Variants in NRCAM observed in about 807,000 individuals in gnomAD.
NRCAM encodes the protein neuronal cell adhesion molecule.
A neutral mutation model predicts 156.5 loss-of-function variants in NRCAM; 83 were observed. The observed-to-expected ratio is 0.53, with a 90% CI of 0.44 to 0.64. The LOEUF (loss-of-function observed/expected upper bound fraction) is 0.64, where lower values mean the gene tolerates loss of function less well. Among genes scored for constraint, NRCAM ranks in the 30% least tolerant of loss-of-function variants. The probability of loss-of-function intolerance (pLI) is 0.00; values close to 1 mark genes in which losing one functional copy is unlikely to be tolerated. For missense variants in NRCAM, 1,417 were observed against 1,597.3 expected, an observed-to-expected ratio of 0.89 and a Z score of 1.92; for synonymous variants, 538 against 563.9, an observed-to-expected ratio of 0.95 and a Z score of 0.65.
intron 2 of NRCAM, among the ~76,000 whole-genome samples, chr7:108,334,149 T>C (rs2099155057): frequency 6.6e-6 from 1 of 152,172 alleles, no homozygotes; most frequent in African/African-American, 2.4e-5. Context: ...CCTTAAAAAA[T>C]AGAAGTAGAA....
At chr7:108,282,212 CA>C (rs979677605) in intron 3 of NRCAM, among the ~76,000 whole-genome samples, 1 of 152,180 alleles carries the variant, frequency 6.6e-6, no homozygotes, top group Non-Finnish European at 1.5e-5. Context: ...AGATTTCCAA[CA>C]GAGAATGTAA....
At chr7:108,359,486 C>T (rs1329188449) in intron 2 of NRCAM, among the ~76,000 whole-genome samples, 3 of 152,070 alleles carry the variant, frequency 2.0e-5, no homozygotes, top group Non-Finnish European at 2.9e-5. Flanking sequence ...GAAGACATTC[C>T]TAACTAAAGA....
intron 6 of NRCAM, 136 bp downstream of exon 6, chr7:108,234,447 G>A: frequency 1.6e-6 from 1 of 626,144 alleles, no homozygotes; most frequent in Non-Finnish European, 2.8e-6. Context: ...GAGTCACAGT[G>A]AGAAATATCC....
At chr7:108,375,277 G>T (rs2099669750) in intron 2 of NRCAM, among the ~76,000 whole-genome samples, 1 of 151,988 alleles carries the variant, frequency 6.6e-6, no homozygotes, top group South Asian at 2.1e-4. Context: ...AATACTGAAT[G>T]AATCAATGAA....
intron 10 of NRCAM, among the ~76,000 whole-genome samples, chr7:108,225,294 C>T (rs1418536815): frequency 6.6e-6 from 1 of 152,154 alleles, no homozygotes; most frequent in Non-Finnish European, 1.5e-5. Flanking sequence ...CAAGTTAATG[C>T]ACCCTGCCAA....
At chr7:108,440,125 C>T (rs1563818758) in intron 1 of NRCAM, among the ~76,000 whole-genome samples, 1 of 152,006 alleles carries the variant, frequency 6.6e-6, no homozygotes, top group Non-Finnish European at 1.5e-5. Flanking sequence ...TATGTCTATC[C>T]ACTGGTGAAT....
chr7:108,161,537 C>T (rs573060730), intron 30 of NRCAM, among the ~76,000 whole-genome samples: 1 of 152,222 alleles, frequency 6.6e-6, no homozygotes, highest in African/African-American at 2.4e-5. Context: ...CAAGATAAAA[C>T]ATTTTCTTCT....
intron 2 of NRCAM, among the ~76,000 whole-genome samples, chr7:108,369,976 A>G (rs894313439): frequency 6.6e-6 from 1 of 152,152 alleles, no homozygotes; most frequent in Non-Finnish European, 1.5e-5. Flanking sequence ...TTATTTAAAA[A>G]TTATTTTTTA....
chr7:108,432,349 T>C (rs949346128), intron 1 of NRCAM, among the ~76,000 whole-genome samples: 10 of 152,232 alleles, frequency 6.6e-5, no homozygotes, highest in Non-Finnish European at 1.5e-5. Context: ...CCAAATCATA[T>C]GTTCTTCTTG....
intron 2 of NRCAM, among the ~76,000 whole-genome samples, chr7:108,362,804 G>A (rs2099568073): frequency 6.6e-6 from 1 of 152,060 alleles, no homozygotes; most frequent in South Asian, 2.1e-4. Context: ...ATCTACACAG[G>A]TTATCATGCA....
chr7:108,350,404 C>T lies in NRCAM; in HGVS notation c.-173-37673G>A, dbSNP rs144073488. ...TTTCCTGGAGTGCTCAGCCTAGGTGCGAGGATAGGCCTGAAGAACTAGGAG... is the reference window on the plus strand; with the variant it reads ...TTTCCTGGAGTGCTCAGCCTAGGTGTGAGGATAGGCCTGAAGAACTAGGAG... On this transcript the variant is annotated intron_variant, in intron 2 of 32. Transcript: ENST00000379028. Among the ~76,000 whole-genome samples, 393 of 152,252 alleles carry T rather than the reference C, an allele frequency of 2.6e-3. 3 individuals carry two copies. The highest frequency in any genetic ancestry group is 9.1e-3 in the African/African-American group (378 of 41,538).
chr7:108,204,013 T>C (rs2079634561), intron 13 of NRCAM, among the ~76,000 whole-genome samples: 1 of 152,086 alleles, frequency 6.6e-6, no homozygotes, highest in Non-Finnish European at 1.5e-5. Flanking sequence ...CTCCCTGTCA[T>C]CCTTCCCCCG....
intron 3 of NRCAM, among the ~76,000 whole-genome samples, chr7:108,302,950 CATTTTATTTTTT>C (rs1230167098): frequency 6.6e-6 from 1 of 152,080 alleles, no homozygotes; most frequent in East Asian, 1.9e-4. Context: ...CCTTCTGCTG[CATTTTATTTTTT>C]ATTTTATTTT....
chr7:108,327,557 T>G (rs2099082553), intron 2 of NRCAM, among the ~76,000 whole-genome samples: 1 of 152,146 alleles, frequency 6.6e-6, no homozygotes, highest in South Asian at 2.1e-4. Flanking sequence ...GATACTAGCT[T>G]GAAACCAAAT....
chr7:108,306,111 A>G (rs1002948681), intron 3 of NRCAM, among the ~76,000 whole-genome samples: 2 of 152,304 alleles, frequency 1.3e-5, no homozygotes, highest in East Asian at 3.9e-4. Flanking sequence ...TATTCTGTGA[A>G]CCTCAAAGCA....
intron 3 of NRCAM, among the ~76,000 whole-genome samples, chr7:108,248,026 T>C (rs1015384569): frequency 6.6e-6 from 1 of 152,232 alleles, no homozygotes; most frequent in Non-Finnish European, 1.5e-5. Context: ...ATTCTGAATA[T>C]GGGTCTTCAG....
chr7:108,386,677 C>T (rs2099741737), intron 2 of NRCAM, among the ~76,000 whole-genome samples: 2 of 152,056 alleles, frequency 1.3e-5, no homozygotes, highest in Non-Finnish European at 2.9e-5. Context: ...GACACCTATT[C>T]AATGAAAGAA....
rs2092881173 is a variant in NRCAM, at chr7:108,223,722, C to T, written c.890+3G>A. On this transcript the variant is annotated splice_donor_region_variant and intron_variant, in intron 11 of 32. Transcript: ENST00000379028. ...TACTTCAGGACAGAAAGTGTTAACT[C>T]ACAGTCCTTCTGCAATGCACTCCAG... The T allele has an allele frequency of 4.9e-6, 7 of 1,436,082 alleles. No individual in the cohort carries two copies. Among genetic ancestry groups the T allele is most frequent in the Non-Finnish European group, 6.9e-6 (7 of 1,018,738 alleles). The allele number at this position is 1,436,082 out of a possible 1,614,324, so 89.0% of individuals were successfully genotyped here.
At chr7:108,274,662 A>G (rs1018038530) in intron 3 of NRCAM, among the ~76,000 whole-genome samples, 8 of 152,226 alleles carry the variant, frequency 5.3e-5, no homozygotes, top group African/African-American at 1.9e-4. Context: ...GGTTTTCTAA[A>G]TATACAGTCA....
Sources: gnomAD v4.1 joint callset for allele counts (sites outside exome capture counted in the v4.1 genomes callset) on GRCh38, gnomAD v4.1.1 for gene constraint, MANE v1.5 for transcripts, NCBI Gene and HGNC (gene_info 2026-07-23, HGNC 2026-07-21) for gene names.